COL4A6: variants seen among roughly 807,000 people sequenced by gnomAD.
The protein encoded by COL4A6 is collagen type IV alpha 6 chain.
COL4A6 carries 59 observed loss-of-function variants against 126.7 expected under a neutral mutation model. The ratio of observed to expected loss-of-function variants is 0.47; its 90% CI spans 0.38 to 0.58. The LOEUF is 0.58. COL4A6 is among the 20% of genes least tolerant of loss of function. The probability of loss-of-function intolerance (pLI) is 0.00; values close to 1 mark genes in which losing one functional copy is unlikely to be tolerated. For synonymous variants in COL4A6, 547 were observed against 496.6 expected (o/e 1.10, Z -1.35); for missense variants, 1,285 against 1,337.3 (o/e 0.96, Z 0.61).
chrX:108,172,540 G>A lies in COL4A6; in HGVS notation c.3139-8C>T. ...TCTGATACCTTGTGAACCCTTCGAA[G>A]CAATATGGGAATCATCATTTCTGCC... On this transcript the variant is annotated splice_region_variant and splice_polypyrimidine_tract_variant and intron_variant, in intron 31 of 44. Transcript: ENST00000334504. 1 of 1,192,937 alleles carries A rather than the reference G, an allele frequency of 8.4e-7. No individual in the cohort carries two copies. Among genetic ancestry groups the A allele is most frequent in the Non-Finnish European group, 1.1e-6 (1 of 883,076 alleles).
chrX:108,388,286 G>C (rs1460079353), intron 2 of COL4A6, among the ~76,000 whole-genome samples: 1 of 112,115 alleles, frequency 8.9e-6, no homozygotes, highest in Non-Finnish European at 1.9e-5. Flanking sequence ...GTTTCAAAAG[G>C]AATGGTACCA....
At chrX:108,243,684 C>T (rs913996060) in intron 3 of COL4A6, among the ~76,000 whole-genome samples, 6 of 112,277 alleles carry the variant, frequency 5.3e-5, no homozygotes, top group Admixed American at 2.8e-4. Context: ...TTCTAATGTG[C>T]AGCTAAGGTT....
chrX:108,411,153 A>C (rs1361426118), intron 2 of COL4A6, among the ~76,000 whole-genome samples: 2 of 112,361 alleles, frequency 1.8e-5, no homozygotes, highest in Admixed American at 1.9e-4. Context: ...GAGGTAGGCC[A>C]AGGCAGGCAC....
chrX:108,304,547 G>C (rs932006452), intron 3 of COL4A6, among the ~76,000 whole-genome samples: 3 of 111,951 alleles, frequency 2.7e-5, no homozygotes, highest in Non-Finnish European at 5.6e-5. Context: ...GTTTGGTGGA[G>C]AGGAGGGTGG....
chrX:108,250,694 G>C (rs755482443), intron 3 of COL4A6, among the ~76,000 whole-genome samples: 1 of 111,329 alleles, frequency 9.0e-6, no homozygotes, highest in African/African-American at 3.3e-5. Flanking sequence ...CCAGAATTCT[G>C]AGAGCCCAGA....
chrX:108,284,856 T>C (rs1040530015), intron 3 of COL4A6, among the ~76,000 whole-genome samples: 1 of 112,159 alleles, frequency 8.9e-6, no homozygotes, highest in Non-Finnish European at 1.9e-5. Flanking sequence ...CGTGCCTCCA[T>C]GTCTAACAAA....
chrX:108,179,152 GGAAGTATACGAATTAAT>G (rs2034594922), intron 26 of COL4A6, 48 bp downstream of exon 26: 2 of 988,594 alleles, frequency 2.0e-6, no homozygotes, highest in South Asian at 4.3e-5. Flanking sequence ...AAGTATTCAT[GGAAGTATACGAATTAAT>G]ATAAGGCTTT....
chrX:108,161,254 T>C (rs748333037), intron 42 of COL4A6, among the ~76,000 whole-genome samples: 1 of 111,485 alleles, frequency 9.0e-6, no homozygotes, highest in South Asian at 3.8e-4. Context: ...AACTCAAGTG[T>C]TGTTATCCCT....
intron 3 of COL4A6, among the ~76,000 whole-genome samples, chrX:108,309,042 T>C (rs941347369): frequency 2.1e-4 from 24 of 111,889 alleles, no homozygotes; most frequent in African/African-American, 7.8e-4. Context: ...TAGAATTCTA[T>C]TTTGGAAAAG....
intron 3 of COL4A6, among the ~76,000 whole-genome samples, chrX:108,297,684 C>T (rs1249374710): frequency 9.0e-6 from 1 of 111,460 alleles, no homozygotes; most frequent in Non-Finnish European, 1.9e-5. Flanking sequence ...CTTGTATTCC[C>T]CAAATGGCAA....
rs1408842839 is a variant in COL4A6 at position 108,155,969 on chromosome X, CT to C, written c.*1030del. The C allele has an allele frequency of 1.8e-5, 2 of 112,203 alleles. No individual in the cohort carries two copies. The highest frequency in any genetic ancestry group is 3.8e-5 in the Non-Finnish European group (2 of 53,261). 9.2% of individuals were successfully genotyped at this position (112,203 alleles called of 1,213,427 possible). ...AAACATATTAAAATAGTTTAATAGG[CT>C]ACCTGTGAAAGAGCAATTGGATAAC... On this transcript the variant is annotated 3_prime_UTR_variant, in exon 45 of 45. Transcript: ENST00000334504.
intron 2 of COL4A6, among the ~76,000 whole-genome samples, chrX:108,427,373 A>C (rs776310091): frequency 8.9e-6 from 1 of 112,141 alleles, no homozygotes; most frequent in Non-Finnish European, 1.9e-5. Context: ...GGACGAAAAA[A>C]CAGTGAGAAA....
intron 3 of COL4A6, among the ~76,000 whole-genome samples, chrX:108,292,341 T>C (rs918195028): frequency 1.8e-5 from 2 of 112,448 alleles, no homozygotes; most frequent in Admixed American, 1.9e-4. Context: ...TTTCAACACA[T>C]GCTTTCTGTT....
intron 3 of COL4A6, among the ~76,000 whole-genome samples, chrX:108,227,555 G>A (rs770898565): frequency 2.7e-5 from 3 of 109,465 alleles, no homozygotes; most frequent in Non-Finnish European, 5.7e-5. Context: ...CTGGGGCAGG[G>A]TGGGGGGGCT....
At chrX:108,366,571 C>T (rs1189243923) in intron 2 of COL4A6, among the ~76,000 whole-genome samples, 1 of 112,050 alleles carries the variant, frequency 8.9e-6, no homozygotes, top group Non-Finnish European at 1.9e-5. Context: ...CCCTACCATT[C>T]TCACTGTATG....
At chrX:108,338,049 T>G (rs1465846383) in intron 2 of COL4A6, among the ~76,000 whole-genome samples, 1 of 111,401 alleles carries the variant, frequency 9.0e-6, no homozygotes, top group Non-Finnish European at 1.9e-5. Flanking sequence ...AATGGCAGTG[T>G]TCCTAACCCT....
rs772352508 is a variant in COL4A6, at chrX:108,438,203, G to T, written c.-7C>A. On this transcript the variant is annotated 5_prime_UTR_variant, in exon 1 of 45. Transcript: ENST00000334504. ...CAGCTCACCCAGGGTGCATGCTTGC[G>T]GCTCCTCCGGAGCTGGGTCCCGGGA... is the stretch of plus-strand genomic sequence containing the variant. The T allele has an allele frequency of 8.4e-6, 10 of 1,190,906 alleles. 1 individual carries two copies. In the South Asian group the frequency reaches 1.9e-4, roughly 23 times the overall value.
chrX:108,174,477 G>C lies in COL4A6; in HGVS notation c.3101C>G (p.Ser1034Cys), dbSNP rs145587471. ...IRGLPGLKGSSGITGFPGMPG... is the reference protein window; with the variant it reads ...IRGLPGLKGSCGITGFPGMPG... Reference sequence around the variant, plus strand: ...CATTCCTGGGAAACCTGTGATCCCAGAGGACCCCTTCAGGCCAGGTAAGCC... The same window carrying C: ...CATTCCTGGGAAACCTGTGATCCCACAGGACCCCTTCAGGCCAGGTAAGCC... Residue 1034 changes from serine to cysteine, a missense_variant, in exon 31 of 45, where the codon TCT (serine) becomes TGT (cysteine). Ser to Cys is a moderately radical substitution (Grantham distance 112). Transcript: ENST00000334504. 1 of 1,209,414 alleles carries C rather than the reference G, an allele frequency of 8.3e-7. No homozygotes were observed. The highest frequency in any genetic ancestry group is 1.8e-5 in the African/African-American group (1 of 57,020).
intron 2 of COL4A6, among the ~76,000 whole-genome samples, chrX:108,375,126 G>C (rs2040408308): frequency 9.0e-6 from 1 of 111,541 alleles, no homozygotes; most frequent in African/African-American, 3.3e-5. Context: ...CATCTCCAGG[G>C]AAGTGCCTTC....
Sources: allele counts gnomAD v4.1 joint callset (sites outside exome capture counted in the v4.1 genomes callset), GRCh38; gene constraint gnomAD v4.1.1; transcripts MANE v1.5; gene names NCBI Gene and HGNC (gene_info 2026-07-23, HGNC 2026-07-21).